Variants in ST8SIA1 observed in about 807,000 individuals in gnomAD.
ST8SIA1 encodes the protein alpha-N-acetylneuraminide alpha-2,8-sialyltransferase.
ST8SIA1 carries 16 observed loss-of-function variants against 35.9 expected under a neutral mutation model. That is an observed-to-expected ratio of 0.45 (90% CI 0.30 to 0.68). ST8SIA1 has a LOEUF of 0.68. Among genes scored for constraint, ST8SIA1 ranks in the 30% least tolerant of loss-of-function variants. The pLI, the probability that ST8SIA1 is intolerant of heterozygous loss-of-function variation, is 0.09. For synonymous variants in ST8SIA1, 170 were observed against 169.6 expected, an observed-to-expected ratio of 1.00 and a Z score of -0.02; for missense variants, 383 against 453.6, an observed-to-expected ratio of 0.84 and a Z score of 1.41.
chr12:22,260,384 A>T (rs1865776204), intron 2 of ST8SIA1, among the ~76,000 whole-genome samples: 3 of 152,012 alleles, frequency 2.0e-5, no homozygotes, highest in Non-Finnish European at 4.4e-5. Flanking sequence ...CTGGTCTCAA[A>T]CTCAGGTTCA....
chr12:22,231,719 A>G (rs928281617), intron 4 of ST8SIA1, among the ~76,000 whole-genome samples: 33 of 151,910 alleles, frequency 2.2e-4, no homozygotes, highest in East Asian at 5.8e-4. Context: ...GACTACAGGC[A>G]CCCACCACCA....
intron 2 of ST8SIA1, among the ~76,000 whole-genome samples, chr12:22,261,512 C>CT (rs1383290739): frequency 2.6e-5 from 4 of 151,982 alleles, no homozygotes; most frequent in Non-Finnish European, 5.9e-5. Context: ...GGTATCATAT[C>CT]TTTTTTTTCA....
intron 4 of ST8SIA1, among the ~76,000 whole-genome samples, chr12:22,213,845 G>T (rs557993662): frequency 1.1e-4 from 17 of 151,980 alleles, no homozygotes; most frequent in Non-Finnish European, 1.9e-4. Flanking sequence ...GAGTGTGGAG[G>T]GCTGATCTTT....
intron 4 of ST8SIA1, among the ~76,000 whole-genome samples, chr12:22,234,830 A>G (rs4762894): frequency 0.32 from 49,421 of 152,112 alleles, 8,861 homozygotes; most frequent in Middle Eastern, 0.59. Context: ...AGATGTTAAA[A>G]TATTAAAAAC....
intron 3 of ST8SIA1, among the ~76,000 whole-genome samples, chr12:22,254,176 G>T (rs1241063399): frequency 6.6e-6 from 1 of 152,128 alleles, no homozygotes; most frequent in African/African-American, 2.4e-5. Flanking sequence ...CCACCTGAAA[G>T]GTCCCTCAGA....
At chr12:22,311,641 A>G (rs974783708) in intron 1 of ST8SIA1, among the ~76,000 whole-genome samples, 1 of 152,114 alleles carries the variant, frequency 6.6e-6, no homozygotes, top group African/African-American at 2.4e-5. Context: ...GGTATTTTAT[A>G]ATTTCCTTAT....
At chr12:22,266,306 T>C (rs965976123) in intron 2 of ST8SIA1, among the ~76,000 whole-genome samples, 5 of 151,932 alleles carry the variant, frequency 3.3e-5, no homozygotes, top group African/African-American at 1.2e-4. Flanking sequence ...TTATGCCCCA[T>C]GAGTCATGAG....
rs557984276 is a variant in ST8SIA1, at chr12:22,232,133, C to T, written c.584+16873G>A. Among the ~76,000 whole-genome samples, 6 of 152,136 alleles carry T rather than the reference C, an allele frequency of 3.9e-5. No individual in the cohort carries two copies. The South Asian group carries it at 1.0e-3, about 26-fold the overall frequency. ...CAGAAACTAGCTGGCAAGGGGGAAACGTGATTTGTAAAATCATGGTTTCAG... is the reference window on the plus strand; with the variant it reads ...CAGAAACTAGCTGGCAAGGGGGAAATGTGATTTGTAAAATCATGGTTTCAG... On this transcript the variant is annotated intron_variant, in intron 4 of 4. Coordinates refer to ENST00000396037, the MANE Select transcript of ST8SIA1 (RefSeq NM_003034.4).
At chr12:22,214,043 A>G (rs886313528) in intron 4 of ST8SIA1, among the ~76,000 whole-genome samples, 2 of 152,198 alleles carry the variant, frequency 1.3e-5, no homozygotes, top group Non-Finnish European at 2.9e-5. Flanking sequence ...AATGGTTTGA[A>G]GAGAAAGACT....
At chr12:22,322,958 T>TA (rs1333670977) in intron 1 of ST8SIA1, among the ~76,000 whole-genome samples, 1 of 152,234 alleles carries the variant, frequency 6.6e-6, no homozygotes, top group African/African-American at 2.4e-5. Flanking sequence ...TATCATGAAG[T>TA]AAAAGTTCAT....
Position 22,321,003 on chromosome 12 carries a change from GAAGAAAGAAAGAAAGAAAGAAAGAA to G in ST8SIA1, c.236+12969_236+12993del, listed in dbSNP as rs1866589712. 6.7e-3 allele frequency among the ~76,000 whole-genome samples: 515 copies of G among 76,428 alleles called. 6 individuals are homozygous for G. Among genetic ancestry groups the G allele is most frequent in the African/African-American group, 0.023 (472 of 20,848 alleles). 50.1% of individuals were successfully genotyped at this position (76,428 alleles called of 152,430 possible). On this transcript the variant is annotated intron_variant, in intron 1 of 4. Coordinates refer to ENST00000396037, the MANE Select transcript of ST8SIA1 (RefSeq NM_003034.4). ...AGAAAGAAAGAAAGAAAGAAAGAAA[GAAGAAAGAAAGAAAGAAAGAAAGAA>G]AGAAAGAGAAAGAGAAAGAAAAGAA...
chr12:22,238,535 C>T (rs2120717912), intron 4 of ST8SIA1, among the ~76,000 whole-genome samples: 1 of 152,310 alleles, frequency 6.6e-6, no homozygotes, highest in Middle Eastern at 3.4e-3. Context: ...TGAGACAGAT[C>T]TGTTCAGCCT....
intron 4 of ST8SIA1, among the ~76,000 whole-genome samples, chr12:22,206,028 A>C (rs1470924476): frequency 1.3e-5 from 2 of 152,226 alleles, no homozygotes; most frequent in Non-Finnish European, 2.9e-5. Flanking sequence ...AAAGAATTTC[A>C]ATTAAAAATG....
chr12:22,260,874 G>GTTTTT (rs757887864), intron 2 of ST8SIA1, among the ~76,000 whole-genome samples: 34 of 114,334 alleles, frequency 3.0e-4, no homozygotes, highest in African/African-American at 3.7e-4. Flanking sequence ...TATAGTTGTT[G>GTTTTT]TTTTTTTTTT....
chr12:22,206,566 A>G (rs1370392933), intron 4 of ST8SIA1, among the ~76,000 whole-genome samples: 1 of 152,202 alleles, frequency 6.6e-6, no homozygotes. Flanking sequence ...GACTCATACA[A>G]TATCAGCAGT....
intron 1 of ST8SIA1, among the ~76,000 whole-genome samples, chr12:22,309,736 C>A (rs1346940043): frequency 6.6e-6 from 1 of 152,086 alleles, no homozygotes; most frequent in Admixed American, 6.6e-5. Flanking sequence ...GCTCTCCTTT[C>A]CAAATTTTTG....
At chr12:22,305,799 A>C (rs2135828612) in intron 1 of ST8SIA1, among the ~76,000 whole-genome samples, 1 of 152,346 alleles carries the variant, frequency 6.6e-6, no homozygotes, top group East Asian at 1.9e-4. Context: ...AGCCCAAAAC[A>C]GAATGATCTT....
chr12:22,248,074 G>A (rs1865625528), intron 4 of ST8SIA1, among the ~76,000 whole-genome samples: 1 of 152,144 alleles, frequency 6.6e-6, no homozygotes, highest in African/African-American at 2.4e-5. Context: ...CATTTGGGGA[G>A]GGTAATTTAA....
intron 4 of ST8SIA1, chr12:22,248,743 G>A: frequency 2.6e-6 from 1 of 391,408 alleles, no homozygotes; most frequent in Non-Finnish European, 4.6e-6. Context: ...GTATTGTGCT[G>A]TTCTTTGAGC....
Sources: gnomAD v4.1 joint callset for allele counts (sites outside exome capture counted in the v4.1 genomes callset) on GRCh38, gnomAD v4.1.1 for gene constraint, MANE v1.5 for transcripts, NCBI Gene and HGNC (gene_info 2026-07-23, HGNC 2026-07-21) for gene names.